FDXR: variants seen among roughly 807,000 people sequenced by gnomAD.
FDXR encodes the protein ferredoxin reductase.
FDXR carries 38 observed loss-of-function variants against 58.3 expected under a neutral mutation model. The observed-to-expected ratio is 0.65, with a 90% CI of 0.50 to 0.85. The LOEUF is 0.85. Ranked by LOEUF, FDXR falls within the 40% of genes least tolerant of loss-of-function variation. The pLI, the probability that FDXR is intolerant of heterozygous loss-of-function variation, is 0.00. For synonymous variants in FDXR, 275 were observed against 273.8 expected (o/e 1.00, Z -0.04); for missense variants, 624 against 671.0 (o/e 0.93, Z 0.77).
chr17:74,862,809 G>C lies in FDXR; in HGVS notation c.*8C>G. ...CTTCCCTGCTGGGGGCCGGGGCTGG[G>C]GCTGGGCTCAGTGGCCCAGGAGGCG... On this transcript the variant is annotated 3_prime_UTR_variant, in exon 12 of 12. Coordinates refer to ENST00000293195, the MANE Select transcript of FDXR (RefSeq NM_024417.5). 3 of 1,606,690 alleles carry C rather than the reference G, an allele frequency of 1.9e-6. No individual in the cohort carries two copies. Among genetic ancestry groups the C allele is most frequent in the Non-Finnish European group, 2.5e-6 (3 of 1,178,830 alleles).
chr17:74,872,962 T>C lies in FDXR; in HGVS notation c.-18A>G, dbSNP rs768372416. 2.8e-5 allele frequency: 44 copies of C among 1,548,484 alleles called. No homozygotes were observed. The highest frequency in any genetic ancestry group is 3.8e-5 in the Non-Finnish European group (44 of 1,146,240). ...GAAGCCATGGCTGGGAGCAGCAACC[T>C]GCAAGTGGATCTGTTCCTAGCTACT... is the stretch of plus-strand genomic sequence containing the variant. On this transcript the variant is annotated 5_prime_UTR_variant, in exon 1 of 12. Coordinates refer to ENST00000293195, the MANE Select transcript of FDXR (RefSeq NM_024417.5).
chr17:74,863,753 G>C (rs2038058908), intron 10 of FDXR, 143 bp downstream of exon 10: 1 of 1,007,958 alleles, frequency 9.9e-7, no homozygotes, highest in Admixed American at 2.3e-5. Context: ...CAAGAGGAGG[G>C]CGGCACTGGG....
At chr17:74,869,813 A>G (rs2144676540) in intron 2 of FDXR, 2 of 377,810 alleles carry the variant, frequency 5.3e-6, no homozygotes, top group East Asian at 7.5e-5. Context: ...CGCCCAGAAC[A>G]TGTTACGTCC....
intron 2 of FDXR, chr17:74,868,789 G>C: frequency 6.8e-7 from 1 of 1,462,090 alleles, no homozygotes; most frequent in Non-Finnish European, 9.0e-7. Flanking sequence ...CCTCCTCCCT[G>C]AGGATTTAAC....
chr17:74,872,505 T>G (rs1047167923), intron 1 of FDXR: 4 of 614,578 alleles, frequency 6.5e-6, no homozygotes, highest in Non-Finnish European at 8.5e-6. Flanking sequence ...CCTCTCTCTC[T>G]CCACAAAACG....
At chr17:74,866,958 A>T (rs2038211638) in intron 2 of FDXR, 82 bp from the exon 3 acceptor site, 2 of 1,561,364 alleles carry the variant, frequency 1.3e-6, no homozygotes, top group African/African-American at 2.7e-5. Context: ...CCCCAGACAG[A>T]GCAGGAGAGT....
chr17:74,872,572 T>C (rs556114721), intron 1 of FDXR: 8 of 651,224 alleles, frequency 1.2e-5, no homozygotes, highest in East Asian at 2.8e-5. Flanking sequence ...CGACTCAGAC[T>C]TTCCTCTCGC....
At chr17:74,868,923 T>TC (rs1374741590) in intron 2 of FDXR, among the ~76,000 whole-genome samples, 1 of 151,926 alleles carries the variant, frequency 6.6e-6, no homozygotes, top group African/African-American at 2.4e-5. Context: ...CCCAGACATC[T>TC]CAAATCCATC....
chr17:74,863,216 C>G lies in FDXR; in HGVS notation c.1205G>C (p.Gly402Ala). 6.2e-7 allele frequency: 1 copy of G among 1,613,340 alleles called. No homozygotes were observed. Among genetic ancestry groups the G allele is most frequent in the Non-Finnish European group, 8.5e-7 (1 of 1,179,840 alleles). The change falls in exon 11 of 12, where the codon GGA becomes GCA. Residue 402 changes from glycine (G) to alanine (A), a missense_variant. Gly to Ala is a moderately conservative substitution (Grantham distance 60). Transcript: ENST00000293195. Reference sequence around the variant, plus strand: ...GGTTGTGGCTATGACACCTGTAGGTCCTCTCTTCACCCAGCCGCTGCAGTA... The same window carrying G: ...GGTTGTGGCTATGACACCTGTAGGTGCTCTCTTCACCCAGCCGCTGCAGTA... ...GLYCSGWVKR[G>A]PTGVIATTMT... is the part of the protein sequence containing the mutation.
In FDXR at chr17:74,867,623, G is replaced by A. The variant is rs187961203; in HGVS notation, c.178-747C>T. On this transcript the variant is annotated intron_variant, in intron 2 of 11. Transcript: ENST00000293195. ...GGAGGGGGCACGGCTGGGAATTCACGGGAAAGAGAGGTGGAAATGGGCCTG... is the reference window on the plus strand; with the variant it reads ...GGAGGGGGCACGGCTGGGAATTCACAGGAAAGAGAGGTGGAAATGGGCCTG... Among the ~76,000 whole-genome samples, 34 of 152,232 alleles carry A rather than the reference G, an allele frequency of 2.2e-4. No individual in the cohort carries two copies. The East Asian group carries it at 4.6e-3, about 21-fold the overall frequency.
chr17:74,869,903 T>A, intron 2 of FDXR: 1 of 441,572 alleles, frequency 2.3e-6, no homozygotes, highest in Non-Finnish European at 4.7e-6. Context: ...CCATCCCTGC[T>A]CCACGGTGGA....
At chr17:74,871,140 G>A (rs1264057648) in intron 2 of FDXR, among the ~76,000 whole-genome samples, 1 of 152,048 alleles carries the variant, frequency 6.6e-6, no homozygotes, top group South Asian at 2.1e-4. Flanking sequence ...CACCTGCCTC[G>A]GCTCACGCTG....
chr17:74,863,460 G>A (rs2038049435), intron 10 of FDXR, among the ~76,000 whole-genome samples: 1 of 152,244 alleles, frequency 6.6e-6, no homozygotes, highest in African/African-American at 2.4e-5. Context: ...CAGTTTCCCT[G>A]TAGATGAGGG....
intron 8 of FDXR, 52 bp from the exon 9 acceptor site, chr17:74,864,399 C>A (rs1408015359): frequency 6.3e-7 from 1 of 1,598,254 alleles, no homozygotes; most frequent in Admixed American, 1.7e-5. Context: ...CGGCCCTCTC[C>A]CTGCATGCCC....
chr17:74,865,928 C>T, intron 5 of FDXR, 108 bp from the exon 6 acceptor site: 1 of 980,958 alleles, frequency 1.0e-6, no homozygotes, highest in East Asian at 2.6e-5. Flanking sequence ...GGCTTCCCCA[C>T]ACCGGGAAAG....
rs1181569527 is a variant in FDXR at position 74,863,093 on chromosome 17, G to A, written c.1328C>T (p.Ala443Val). 2 of 1,612,978 alleles carry A rather than the reference G, an allele frequency of 1.2e-6. No individual in the cohort carries two copies. Among genetic ancestry groups the A allele is most frequent in the Admixed American group, 1.7e-5 (1 of 60,002 alleles). ...GCCCAGACCTCGGCTGCTGAGCAGG[G>A]CCTGGATGGCTGCGTAGCCAGGCCT... ...GPRPGYAAIQ[A>V]LLSSRGVRPV... The change falls in exon 11 of 12, where the codon GCC becomes GTC. Residue 443 changes from alanine (A) to valine (V), a missense_variant. Physicochemically the swap from Ala to Val is moderately conservative, Grantham distance 64. Transcript: ENST00000293195.
chr17:74,863,355 T>C, intron 10 of FDXR, 109 bp from the exon 11 acceptor site: 3 of 1,073,954 alleles, frequency 2.8e-6, no homozygotes, highest in South Asian at 3.1e-5. Context: ...ACCCCACGCC[T>C]CTTGGCAGAC....
At chr17:74,870,630 T>C (rs985746944) in intron 2 of FDXR, among the ~76,000 whole-genome samples, 11 of 145,362 alleles carry the variant, frequency 7.6e-5, no homozygotes, top group African/African-American at 2.6e-4. Flanking sequence ...CTTCAGGGCC[T>C]CTCCAGCCCC....
At chr17:74,863,022 C>A in intron 11 of FDXR, 54 bp downstream of exon 11, 1 of 1,602,072 alleles carries the variant, frequency 6.2e-7, no homozygotes, top group Non-Finnish European at 8.5e-7. Context: ...AGAGTGAGGC[C>A]CAGAGAAGGA....
Sources: gnomAD v4.1 joint callset for allele counts (sites outside exome capture counted in the v4.1 genomes callset) on GRCh38, gnomAD v4.1.1 for gene constraint, MANE v1.5 for transcripts, NCBI Gene and HGNC (gene_info 2026-07-23, HGNC 2026-07-21) for gene names.